PPP2R2B: variants seen among roughly 807,000 people sequenced by gnomAD.
PPP2R2B encodes the protein serine/threonine-protein phosphatase 2A 55 kDa regulatory subunit B beta isoform.
PPP2R2B carries 5 observed loss-of-function variants against 46.0 expected under a neutral mutation model. That is an observed-to-expected ratio of 0.11 (90% CI 0.06 to 0.23). PPP2R2B has a LOEUF of 0.23. PPP2R2B is among the 10% of genes least tolerant of loss of function. The probability of loss-of-function intolerance (pLI) is 1.00; values close to 1 mark genes in which losing one functional copy is unlikely to be tolerated. For synonymous variants in PPP2R2B, 215 were observed against 206.7 expected (o/e 1.04, Z -0.34); for missense variants, 367 against 575.0 (o/e 0.64, Z 3.70).
chr5:147,056,610 A>G (rs964337996), upstream of PPP2R2B, among the ~76,000 whole-genome samples: 18 of 152,322 alleles, frequency 1.2e-4, 1 homozygote, highest in African/African-American at 3.6e-4. Context: ...ACATGGAAAA[A>G]CTAAGTTGAT....
chr5:146,905,238 A>G (rs1171537908), intron 1 of PPP2R2B, among the ~76,000 whole-genome samples: 1 of 152,186 alleles, frequency 6.6e-6, no homozygotes, highest in Admixed American at 6.5e-5. Context: ...TTATTCCCCT[A>G]TAAAATTAAA....
chr5:146,597,564 T>C (rs1430042614), intron 8 of PPP2R2B, among the ~76,000 whole-genome samples: 1 of 152,192 alleles, frequency 6.6e-6, no homozygotes, highest in East Asian at 1.9e-4. Flanking sequence ...ACTGGTTAAA[T>C]CTTACTTTCT....
intron 2 of PPP2R2B, among the ~76,000 whole-genome samples, chr5:146,705,806 C>T (rs1032565714): frequency 6.6e-6 from 1 of 151,962 alleles, no homozygotes; most frequent in African/African-American, 2.4e-5. Flanking sequence ...TGGGATTATG[C>T]CAAGATGACC....
intron 2 of PPP2R2B, among the ~76,000 whole-genome samples, chr5:147,070,703 A>G (rs1335294218): frequency 1.3e-5 from 2 of 152,164 alleles, no homozygotes; most frequent in Non-Finnish European, 2.9e-5. Context: ...GTTAAGCCTT[A>G]TCTGTCTTTT....
intron 2 of PPP2R2B, among the ~76,000 whole-genome samples, chr5:146,877,613 G>T (rs1246735833): frequency 6.6e-6 from 1 of 151,982 alleles, no homozygotes; most frequent in Non-Finnish European, 1.5e-5. Context: ...ACATAACATC[G>T]TTTCGCTCAG....
At chr5:146,662,877 A>C (rs1043820970) in intron 5 of PPP2R2B, among the ~76,000 whole-genome samples, 7 of 152,282 alleles carry the variant, frequency 4.6e-5, no homozygotes, top group Admixed American at 4.6e-4. Context: ...GGGCAAAAAT[A>C]GGAATGAAAA....
At chr5:147,018,214 A>G in intron 1 of PPP2R2B, among the ~76,000 whole-genome samples, 1 of 152,148 alleles carries the variant, frequency 6.6e-6, no homozygotes, top group East Asian at 1.9e-4. Flanking sequence ...GAGTAAATTT[A>G]TTTTGTATGA....
intron 2 of PPP2R2B, among the ~76,000 whole-genome samples, chr5:146,831,835 T>A (rs1371070931): frequency 1.3e-5 from 2 of 152,132 alleles, no homozygotes; most frequent in Non-Finnish European, 2.9e-5. Flanking sequence ...CTTCAGGAGG[T>A]ATTCCAGAGG....
chr5:146,881,030 A>C (rs1312945521), upstream of PPP2R2B, among the ~76,000 whole-genome samples: 3 of 151,632 alleles, frequency 2.0e-5, no homozygotes, highest in Non-Finnish European at 4.4e-5. Context: ...GGGAGTGAAA[A>C]GAGCCCTGTG....
At chr5:146,916,293 G>GT (rs5871996) in intron 1 of PPP2R2B, among the ~76,000 whole-genome samples, 68,427 of 141,874 alleles carry the variant, frequency 0.48, 17,546 homozygotes, top group African/African-American at 0.67. Flanking sequence ...TGTTACCACC[G>GT]TTTTTTTTTT....
chr5:146,697,623 T>A (rs1779257269), intron 4 of PPP2R2B, among the ~76,000 whole-genome samples: 1 of 152,178 alleles, frequency 6.6e-6, no homozygotes, highest in Admixed American at 6.5e-5. Context: ...TATGCCAACC[T>A]CACAGAGACA....
intron 2 of PPP2R2B, among the ~76,000 whole-genome samples, chr5:146,783,923 A>G (rs1755686240): frequency 6.6e-6 from 1 of 152,206 alleles, no homozygotes; most frequent in African/African-American, 2.4e-5. Context: ...AATATCAAGG[A>G]AGATCAGAGT....
chr5:146,841,759 A>G (rs1759660536), intron 2 of PPP2R2B, among the ~76,000 whole-genome samples: 1 of 152,140 alleles, frequency 6.6e-6, no homozygotes, highest in Non-Finnish European at 1.5e-5. Flanking sequence ...CAGGAGGGGA[A>G]CAATACACAC....
chr5:146,592,265 A>G (rs1035532189), intron 9 of PPP2R2B: 25 of 333,672 alleles, frequency 7.5e-5, no homozygotes, highest in African/African-American at 4.9e-4. Flanking sequence ...TGAGAGAGAG[A>G]CAGTTCATAT....
chr5:147,069,741 C>G (rs2151910483), intron 2 of PPP2R2B, among the ~76,000 whole-genome samples: 1 of 150,844 alleles, frequency 6.6e-6, no homozygotes, highest in African/African-American at 2.5e-5. Flanking sequence ...GTAGCATTCC[C>G]CATTCCCTCA....
chr5:146,938,401 T>C (rs925056541), intron 1 of PPP2R2B, among the ~76,000 whole-genome samples: 1 of 152,072 alleles, frequency 6.6e-6, no homozygotes, highest in Non-Finnish European at 1.5e-5. Flanking sequence ...CATTTCTGGA[T>C]GGCAATTTGC....
At chr5:146,806,164 C>T (rs910776863) in intron 2 of PPP2R2B, among the ~76,000 whole-genome samples, 2 of 152,150 alleles carry the variant, frequency 1.3e-5, no homozygotes, top group African/African-American at 2.4e-5. Flanking sequence ...TGCGCACATA[C>T]ACACATGTGC....
chr5:147,006,042 G>T (rs1429722543), intron 1 of PPP2R2B, among the ~76,000 whole-genome samples: 1 of 152,146 alleles, frequency 6.6e-6, no homozygotes, highest in Non-Finnish European at 1.5e-5. Flanking sequence ...AACCCAGCAG[G>T]TTTCCTAACA....
chr5:146,840,448 G>C (rs1759565650), intron 2 of PPP2R2B, among the ~76,000 whole-genome samples: 1 of 152,144 alleles, frequency 6.6e-6, no homozygotes, highest in South Asian at 2.1e-4. Flanking sequence ...ATAAATCTTA[G>C]TTTCTTTTCC....
Sources: allele counts gnomAD v4.1 joint callset (sites outside exome capture counted in the v4.1 genomes callset), GRCh38; gene constraint gnomAD v4.1.1; transcripts MANE v1.5; gene names NCBI Gene and HGNC (gene_info 2026-07-23, HGNC 2026-07-21).